The following ABTB2 variants were observed in gnomAD, a reference collection of about 807,000 sequenced individuals.
ABTB2 encodes ankyrin repeat and BTB/POZ domain-containing protein 2.
A neutral mutation model predicts 104.1 loss-of-function variants in ABTB2; 56 were observed. That is an observed-to-expected ratio of 0.54 (90% confidence interval 0.43 to 0.67). ABTB2 has a LOEUF of 0.67. Ranked by LOEUF, ABTB2 falls within the 30% of genes least tolerant of loss-of-function variation. ABTB2 has a pLI of 0.00. For missense variants in ABTB2, 1,279 were observed against 1,407.7 expected, an observed-to-expected ratio of 0.91 and a Z score of 1.46; for synonymous variants, 606 against 608.2, an observed-to-expected ratio of 1.00 and a Z score of 0.05.
chr11:34,271,428 T>TG (rs1295447267), intron 1 of ABTB2, among the ~76,000 whole-genome samples: 1 of 152,110 alleles, frequency 6.6e-6, no homozygotes, highest in Non-Finnish European at 1.5e-5. Context: ...GTACTTCCTC[T>TG]GGGTTCATAT....
intron 1 of ABTB2, among the ~76,000 whole-genome samples, chr11:34,284,933 C>T (rs1269665083): frequency 2.6e-5 from 4 of 152,200 alleles, no homozygotes; most frequent in South Asian, 4.1e-4. Flanking sequence ...ACTGGCCGTC[C>T]TCAGCCCAGG....
At position 34,170,963 on chromosome 11, in the gene ABTB2, G is replaced by A; in HGVS notation, c.1506C>T (p.Leu502=). 2 of 1,614,188 alleles carry A rather than the reference G, an allele frequency of 1.2e-6. No homozygotes were observed. Among genetic ancestry groups the A allele is most frequent in the Non-Finnish European group, 8.5e-7 (1 of 1,180,036 alleles). ...CCAAGGCCTCGATGGCTTGGTTGAT[G>A]AGGTCCGTCCTCCCACAGTTGAGCA... ...FRMLNCGRTD[L]INQAIEALGP... The change falls in exon 5 of 17, where the codon CTC becomes CTT. Residue 502 remains leucine (L), a synonymous_variant. Transcript: ENST00000435224.
chr11:34,207,451 A>T (rs1853423568), intron 1 of ABTB2, among the ~76,000 whole-genome samples: 1 of 152,270 alleles, frequency 6.6e-6, no homozygotes, highest in Non-Finnish European at 1.5e-5. Flanking sequence ...TATTATTAAT[A>T]ATAGTAATTG....
At position 34,246,934 on chromosome 11, in the gene ABTB2, G is replaced by C. The variant is rs539485450; in HGVS notation, c.884-42244C>G. 1.6e-3 allele frequency among the ~76,000 whole-genome samples: 229 copies of C among 145,324 alleles called. 1 individual carries two copies. Among genetic ancestry groups the C allele is most frequent in the African/African-American group, 4.9e-3 (191 of 39,138 alleles). On this transcript the variant is annotated intron_variant, in intron 1 of 16. Transcript: ENST00000435224. ...ATGATCTCGGCTCACCGCAACCTCT[G>C]TCTTCCGGGTTCAAGCAATTCTCCT...
At chr11:34,312,603 T>C (rs1378934083) in intron 1 of ABTB2, among the ~76,000 whole-genome samples, 1 of 152,196 alleles carries the variant, frequency 6.6e-6, no homozygotes, top group African/African-American at 2.4e-5. Flanking sequence ...CAGGGTCAGA[T>C]TGGTTTGCAA....
At chr11:34,227,244 A>C (rs1272256414) in intron 1 of ABTB2, among the ~76,000 whole-genome samples, 1 of 149,692 alleles carries the variant, frequency 6.7e-6, no homozygotes, top group Non-Finnish European at 1.5e-5. Context: ...ACTGCACTCC[A>C]GTGTGGGTGA....
At chr11:34,305,829 T>C (rs1218352589) in intron 1 of ABTB2, among the ~76,000 whole-genome samples, 1 of 152,226 alleles carries the variant, frequency 6.6e-6, no homozygotes, top group African/African-American at 2.4e-5. Context: ...TGCAAACACA[T>C]GGCTTCCTCT....
intron 7 of ABTB2, 92 bp downstream of exon 7, chr11:34,167,167 C>T: frequency 1.7e-6 from 2 of 1,208,700 alleles, no homozygotes; most frequent in Non-Finnish European, 2.4e-6. Flanking sequence ...TGATTCAGGG[C>T]ACCTGCCCAC....
chr11:34,351,393 G>A (rs959578218), intron 1 of ABTB2, among the ~76,000 whole-genome samples: 2 of 149,710 alleles, frequency 1.3e-5, no homozygotes, highest in African/African-American at 2.5e-5. Context: ...TGTACCAGAC[G>A]TCTGTTGTGA....
chr11:34,351,355 T>G (rs1855395755), intron 1 of ABTB2, among the ~76,000 whole-genome samples: 5 of 152,210 alleles, frequency 3.3e-5, no homozygotes, highest in Admixed American at 3.3e-4. Flanking sequence ...TTCAACTCAA[T>G]CCTCCTGTTG....
intron 4 of ABTB2, among the ~76,000 whole-genome samples, chr11:34,172,079 A>T (rs182039527): frequency 1.3e-5 from 2 of 152,144 alleles, no homozygotes; most frequent in African/African-American, 4.8e-5. Context: ...GAGGGTTAAA[A>T]AAAAGATATA....
chr11:34,257,444 G>T (rs1447314292), intron 1 of ABTB2, among the ~76,000 whole-genome samples: 1 of 152,152 alleles, frequency 6.6e-6, no homozygotes, highest in East Asian at 1.9e-4. Flanking sequence ...GAAAGAGAAG[G>T]CTTGCCATCA....
chr11:34,211,323 G>C (rs1853477844), intron 1 of ABTB2, among the ~76,000 whole-genome samples: 1 of 152,000 alleles, frequency 6.6e-6, no homozygotes, highest in Non-Finnish European at 1.5e-5. Flanking sequence ...TTTCCAGGCG[G>C]GTCTAGAACT....
intron 1 of ABTB2, among the ~76,000 whole-genome samples, chr11:34,261,037 C>T (rs1467275215): frequency 6.6e-6 from 1 of 152,024 alleles, no homozygotes; most frequent in African/African-American, 2.4e-5. Flanking sequence ...GTGGAAGAAT[C>T]GCTTGAACTT....
chr11:34,201,337 T>C (rs1234006858), intron 2 of ABTB2, among the ~76,000 whole-genome samples: 2 of 152,204 alleles, frequency 1.3e-5, no homozygotes, highest in Admixed American at 6.5e-5. Context: ...CCTCTCATTA[T>C]GAGCCATCAA....
intron 1 of ABTB2, among the ~76,000 whole-genome samples, chr11:34,334,726 C>T (rs1855172273): frequency 6.6e-6 from 1 of 151,764 alleles, no homozygotes; most frequent in African/African-American, 2.4e-5. Context: ...ATGGTATTTA[C>T]TGTGCCTGTA....
intron 1 of ABTB2, among the ~76,000 whole-genome samples, chr11:34,266,319 A>C (rs1307847776): frequency 6.6e-6 from 1 of 152,150 alleles, no homozygotes; most frequent in East Asian, 1.9e-4. Context: ...TCCTGGGCTC[A>C]AGCAATCTTC....
chr11:34,168,509 A>G (rs529431268), intron 5 of ABTB2, among the ~76,000 whole-genome samples: 1 of 152,360 alleles, frequency 6.6e-6, no homozygotes, highest in East Asian at 1.9e-4. Context: ...GGCCCTGTGC[A>G]TGGAAATCAC....
At chr11:34,244,128 G>A (rs1378461039) in intron 1 of ABTB2, among the ~76,000 whole-genome samples, 1 of 152,190 alleles carries the variant, frequency 6.6e-6, no homozygotes, top group Non-Finnish European at 1.5e-5. Context: ...CCTGGACTCA[G>A]CAGGCCAAAC....
Sources: allele counts gnomAD v4.1 joint callset (sites outside exome capture counted in the v4.1 genomes callset), GRCh38; gene constraint gnomAD v4.1.1; transcripts MANE v1.5; gene names NCBI Gene and HGNC (gene_info 2026-07-23, HGNC 2026-07-21).